Variants in PRMT3 observed in about 807,000 individuals in gnomAD.
PRMT3 encodes the protein protein arginine N-methyltransferase 3.
Under a neutral mutation model 71.9 loss-of-function variants are expected in PRMT3, and 62 were observed. The observed-to-expected ratio is 0.86, with a 90% CI of 0.70 to 1.07. The LOEUF (loss-of-function observed/expected upper bound fraction) is 1.07, where lower values mean the gene tolerates loss of function less well. Among genes scored for constraint, PRMT3 ranks in the 50% least tolerant of loss-of-function variants. The probability of loss-of-function intolerance (pLI) is 0.00; values close to 1 mark genes in which losing one functional copy is unlikely to be tolerated. For synonymous variants in PRMT3, 213 were observed against 220.4 expected (o/e 0.97, Z 0.30); for missense variants, 663 against 643.0 (o/e 1.03, Z -0.34).
In PRMT3 at chr11:20,419,167, G is replaced by A. The variant is rs577958336; in HGVS notation, c.894-7599G>A. 3.9e-5 allele frequency among the ~76,000 whole-genome samples: 6 copies of A among 152,258 alleles called. No homozygotes were observed. In the South Asian group the frequency reaches 1.2e-3, roughly 32 times the overall value. On this transcript the variant is annotated intron_variant, in intron 9 of 15. Coordinates refer to ENST00000331079, the MANE Select transcript of PRMT3 (RefSeq NM_005788.4). The stretch of plus-strand genomic sequence containing the variant: ...CCTATAGTATGTAACAGTTGTGGTT[G>A]GTATTATCCACCATTAAAAAATGTT...
At chr11:20,390,719 C>G (rs553595196) in intron 3 of PRMT3, among the ~76,000 whole-genome samples, 1 of 152,318 alleles carries the variant, frequency 6.6e-6, no homozygotes, top group South Asian at 2.1e-4. Flanking sequence ...GTGGCTCACG[C>G]CTGTGATTCC....
chr11:20,469,053 C>A (rs771931003), intron 13 of PRMT3, among the ~76,000 whole-genome samples: 5 of 152,084 alleles, frequency 3.3e-5, no homozygotes, highest in Admixed American at 6.5e-5. Context: ...GTACTGGTAC[C>A]ACATAGCAGT....
chr11:20,455,613 G>C (rs181689214), intron 11 of PRMT3, among the ~76,000 whole-genome samples: 59 of 152,126 alleles, frequency 3.9e-4, no homozygotes, highest in South Asian at 1.0e-3. Context: ...AATGAATTAT[G>C]AGATAATTTG....
At chr11:20,491,625 T>C (rs1851208835) in intron 13 of PRMT3, among the ~76,000 whole-genome samples, 1 of 152,170 alleles carries the variant, frequency 6.6e-6, no homozygotes, top group Admixed American at 6.6e-5. Context: ...TCTGAGACTT[T>C]TACAGATTTT....
chr11:20,479,013 T>C (rs1480398874), intron 13 of PRMT3, among the ~76,000 whole-genome samples: 1 of 152,230 alleles, frequency 6.6e-6, no homozygotes, highest in Non-Finnish European at 1.5e-5. Flanking sequence ...GTAAGATTTG[T>C]CTTGAACTTG....
chr11:20,436,465 A>G (rs1313501281), intron 10 of PRMT3, among the ~76,000 whole-genome samples: 3 of 152,110 alleles, frequency 2.0e-5, no homozygotes, highest in Non-Finnish European at 2.9e-5. Context: ...CGTTCCTTCT[A>G]TGCCTAACTT....
At chr11:20,499,286 T>G (rs1030026603) in intron 15 of PRMT3, among the ~76,000 whole-genome samples, 7 of 152,172 alleles carry the variant, frequency 4.6e-5, no homozygotes, top group African/African-American at 1.7e-4. Flanking sequence ...AATAATTTAC[T>G]GGTGGAGACA....
chr11:20,505,983 A>T (rs1489322580), intron 15 of PRMT3, among the ~76,000 whole-genome samples: 1 of 152,152 alleles, frequency 6.6e-6, no homozygotes, highest in Admixed American at 6.5e-5. Context: ...GCACCAGAGT[A>T]TAGTTGAGGA....
Position 20,391,335 on chromosome 11 carries a change from T to C in PRMT3, c.248-876T>C, listed in dbSNP as rs578095829. Among the ~76,000 whole-genome samples, 3 of 151,956 alleles carry C rather than the reference T, an allele frequency of 2.0e-5. No individual in the cohort carries two copies. In the East Asian group the frequency reaches 5.9e-4, roughly 30 times the overall value. ...ATCTCGGCTCACTGCAACCTCCGCC[T>C]CCCGGGTTCAAGTGATTCTCCTGCC... On this transcript the variant is annotated intron_variant, in intron 3 of 15. Coordinates refer to ENST00000331079, the MANE Select transcript of PRMT3 (RefSeq NM_005788.4).
intron 6 of PRMT3, 131 bp downstream of exon 6, chr11:20,396,093 T>C (rs1456924440): frequency 2.6e-6 from 2 of 772,444 alleles, no homozygotes; most frequent in Admixed American, 6.2e-5. Context: ...TTCATACTGT[T>C]AAAGATATGT....
intron 9 of PRMT3, among the ~76,000 whole-genome samples, chr11:20,424,844 A>C (rs1434019343): frequency 6.6e-6 from 1 of 152,314 alleles, no homozygotes; most frequent in East Asian, 1.9e-4. Flanking sequence ...AACTGGGCTA[A>C]GTGTGGCAGC....
At chr11:20,398,704 T>C (rs1353113335) in intron 7 of PRMT3, among the ~76,000 whole-genome samples, 2 of 152,218 alleles carry the variant, frequency 1.3e-5, no homozygotes, top group African/African-American at 4.8e-5. Context: ...TATGCTTAGA[T>C]ACACAAATAC....
intron 10 of PRMT3, among the ~76,000 whole-genome samples, chr11:20,427,206 C>A (rs1437653308): frequency 6.6e-6 from 1 of 152,138 alleles, no homozygotes; most frequent in East Asian, 1.9e-4. Context: ...AATAAGAACT[C>A]ATTAGGACTG....
intron 9 of PRMT3, among the ~76,000 whole-genome samples, chr11:20,424,585 A>T (rs1849501231): frequency 6.6e-6 from 1 of 152,234 alleles, no homozygotes; most frequent in African/African-American, 2.4e-5. Context: ...ACATTTTAGG[A>T]GAAAACATAG....
chr11:20,419,584 A>G (rs1278864513), intron 9 of PRMT3, among the ~76,000 whole-genome samples: 1 of 152,148 alleles, frequency 6.6e-6, no homozygotes, highest in Non-Finnish European at 1.5e-5. Flanking sequence ...TATAGAGGGT[A>G]TATTTTCTTG....
chr11:20,483,616 A>G (rs1444912923), intron 13 of PRMT3, among the ~76,000 whole-genome samples: 3 of 152,026 alleles, frequency 2.0e-5, no homozygotes, highest in Non-Finnish European at 4.4e-5. Flanking sequence ...ACTGAACACT[A>G]TGTGTGGGCT....
At chr11:20,463,297 C>T (rs1387436192) in intron 12 of PRMT3, among the ~76,000 whole-genome samples, 2 of 152,240 alleles carry the variant, frequency 1.3e-5, no homozygotes, top group East Asian at 1.9e-4. Context: ...ATTAAAAGTG[C>T]GTTCAGCTTT....
rs567077289 is a variant in PRMT3, at chr11:20,442,163, A to G, written c.994-9967A>G. ...TCTAAATGCAGCTTAAATTTTGTTT[A>G]TATTTTCTTATAGAATGTATCTCAT... On this transcript the variant is annotated intron_variant, in intron 10 of 15. Coordinates refer to ENST00000331079, the MANE Select transcript of PRMT3 (RefSeq NM_005788.4). 2.0e-5 allele frequency among the ~76,000 whole-genome samples: 3 copies of G among 152,232 alleles called. No individual in the cohort carries two copies. The East Asian group carries it at 5.8e-4, about 29-fold the overall frequency.
chr11:20,412,137 CT>C (rs568539527), intron 9 of PRMT3, among the ~76,000 whole-genome samples: 333 of 152,198 alleles, frequency 2.2e-3, no homozygotes, highest in Non-Finnish European at 3.3e-3. Flanking sequence ...CACTCAATTC[CT>C]AGTTTTCTTT....
Sources: allele counts gnomAD v4.1 joint callset (sites outside exome capture counted in the v4.1 genomes callset), GRCh38; gene constraint gnomAD v4.1.1; transcripts MANE v1.5; gene names NCBI Gene and HGNC (gene_info 2026-07-23, HGNC 2026-07-21).